The following MDGA2 variants were observed in gnomAD, a reference collection of about 807,000 sequenced individuals.
MDGA2 encodes MAM domain containing glycosylphosphatidylinositol anchor 2, also known as MAM domain-containing glycosylphosphatidylinositol anchor protein 2.
MDGA2 carries 40 observed loss-of-function variants against 117.8 expected under a neutral mutation model. The ratio of observed to expected loss-of-function variants is 0.34; its 90% CI spans 0.26 to 0.44. MDGA2 has a LOEUF of 0.44. Among genes scored for constraint, MDGA2 ranks in the 20% least tolerant of loss-of-function variants. The pLI is 1.00. For missense variants in MDGA2, 1,123 were observed against 1,250.6 expected (o/e 0.90, Z 1.54); for synonymous variants, 452 against 439.0 (o/e 1.03, Z -0.37).
At chr14:47,400,420 T>TA (rs1228009099) in intron 1 of MDGA2, among the ~76,000 whole-genome samples, 6 of 152,142 alleles carry the variant, frequency 3.9e-5, no homozygotes, top group Admixed American at 6.5e-5. Flanking sequence ...TCTATCCCCT[T>TA]ATACTTAGGC....
At chr14:47,606,279 C>G (rs1896742263) in intron 1 of MDGA2, among the ~76,000 whole-genome samples, 1 of 152,060 alleles carries the variant, frequency 6.6e-6, no homozygotes, top group Admixed American at 6.6e-5. Flanking sequence ...ACCAGCCAGG[C>G]TAAAGTATTT....
chr14:47,262,764 T>G (rs1003227684), intron 2 of MDGA2, among the ~76,000 whole-genome samples: 1 of 152,212 alleles, frequency 6.6e-6, no homozygotes, highest in African/African-American at 2.4e-5. Context: ...TGGACTTCAC[T>G]TTCATGGAGA....
chr14:47,259,777 T>C (rs1012227798), intron 2 of MDGA2, among the ~76,000 whole-genome samples: 1 of 152,006 alleles, frequency 6.6e-6, no homozygotes, highest in African/African-American at 2.4e-5. Flanking sequence ...TTGCTAACTA[T>C]GGAATCTGAG....
intron 9 of MDGA2, among the ~76,000 whole-genome samples, chr14:46,921,544 G>A (rs1884131001): frequency 6.6e-6 from 1 of 151,234 alleles, no homozygotes; most frequent in African/African-American, 2.4e-5. Context: ...CCTGAGTCTA[G>A]GGAGGCAGAG....
intron 1 of MDGA2, among the ~76,000 whole-genome samples, chr14:47,584,298 T>C (rs1896280605): frequency 6.6e-6 from 1 of 151,870 alleles, no homozygotes; most frequent in African/African-American, 2.4e-5. Context: ...TTTAATGTAA[T>C]ATGTTATACA....
chr14:46,916,825 G>A (rs1051616213), intron 10 of MDGA2, among the ~76,000 whole-genome samples: 1 of 151,494 alleles, frequency 6.6e-6, no homozygotes, highest in Non-Finnish European at 1.5e-5. Context: ...ATTAGAATAC[G>A]GCATCATAAA....
At chr14:46,887,509 C>T (rs187130056) in intron 10 of MDGA2, among the ~76,000 whole-genome samples, 22 of 151,972 alleles carry the variant, frequency 1.4e-4, no homozygotes, top group Admixed American at 1.3e-3. Flanking sequence ...TGAAATTAAA[C>T]GCCAGCATAC....
chr14:47,495,456 T>A (rs1206227383), intron 1 of MDGA2, among the ~76,000 whole-genome samples: 1 of 151,994 alleles, frequency 6.6e-6, no homozygotes, highest in African/African-American at 2.4e-5. Context: ...TTATGGAAAA[T>A]TAGAAATCAT....
At chr14:47,206,338 C>T (rs1885681478) in intron 3 of MDGA2, among the ~76,000 whole-genome samples, 2 of 152,056 alleles carry the variant, frequency 1.3e-5, no homozygotes, top group African/African-American at 2.4e-5. Context: ...TGCCTGTGAT[C>T]CCAGCACTTT....
At chr14:46,859,520 C>T (rs919302587) in intron 14 of MDGA2, among the ~76,000 whole-genome samples, 1 of 152,092 alleles carries the variant, frequency 6.6e-6, no homozygotes, top group Non-Finnish European at 1.5e-5. Context: ...CTGGGATCTT[C>T]ACATTCTGCT....
At chr14:47,351,583 A>C (rs17118385) in intron 1 of MDGA2, among the ~76,000 whole-genome samples, 1 of 152,126 alleles carries the variant, frequency 6.6e-6, no homozygotes, top group Non-Finnish European at 1.5e-5. Context: ...AAAATCGTCT[A>C]TCTGGACTCT....
At chr14:47,574,846 C>T (rs1432738888) in intron 1 of MDGA2, among the ~76,000 whole-genome samples, 1 of 152,164 alleles carries the variant, frequency 6.6e-6, no homozygotes, top group Non-Finnish European at 1.5e-5. Context: ...GTCACTAGAG[C>T]TGGAATTTGA....
At chr14:46,915,497 TC>T (rs769709296) in intron 10 of MDGA2, among the ~76,000 whole-genome samples, 4 of 152,136 alleles carry the variant, frequency 2.6e-5, no homozygotes, top group Non-Finnish European at 5.9e-5. Context: ...AAAGATAAAA[TC>T]CTATCACTCA....
intron 4 of MDGA2, among the ~76,000 whole-genome samples, chr14:47,136,571 T>C (rs1173330145): frequency 6.6e-6 from 1 of 152,208 alleles, no homozygotes; most frequent in African/African-American, 2.4e-5. Context: ...CCTATACGTA[T>C]TCTCCTTTAC....
chr14:47,539,266 C>T (rs563610647), intron 1 of MDGA2, among the ~76,000 whole-genome samples: 5 of 152,148 alleles, frequency 3.3e-5, no homozygotes, highest in African/African-American at 4.8e-5. Flanking sequence ...AGAGTGCCAC[C>T]GGATGTTCCC....
chr14:47,469,499 C>G (rs1403526054), intron 1 of MDGA2, among the ~76,000 whole-genome samples: 1 of 152,138 alleles, frequency 6.6e-6, no homozygotes, highest in Non-Finnish European at 1.5e-5. Flanking sequence ...ATTTTTATGG[C>G]TGCATAGTAT....
At chr14:47,295,967 T>TAGAA (rs923339783) in intron 2 of MDGA2, among the ~76,000 whole-genome samples, 3 of 151,480 alleles carry the variant, frequency 2.0e-5, no homozygotes, top group Non-Finnish European at 4.4e-5. Flanking sequence ...GATAGATAGA[T>TAGAA]AGATAGATAG....
At chr14:47,208,783 C>A (rs1416071001) in intron 3 of MDGA2, among the ~76,000 whole-genome samples, 2 of 151,726 alleles carry the variant, frequency 1.3e-5, no homozygotes, top group East Asian at 1.9e-4. Context: ...AGATTTACTT[C>A]TTTTAAATGA....
intron 5 of MDGA2, among the ~76,000 whole-genome samples, chr14:47,108,514 T>A (rs61992548): frequency 1.3e-5 from 2 of 148,998 alleles, no homozygotes; most frequent in Non-Finnish European, 3.0e-5. Flanking sequence ...TGAAAGTCCT[T>A]TTCCTGGCTC....
Sources: gnomAD v4.1 joint callset for allele counts (sites outside exome capture counted in the v4.1 genomes callset) on GRCh38, gnomAD v4.1.1 for gene constraint, MANE v1.5 for transcripts, NCBI Gene and HGNC (gene_info 2026-07-23, HGNC 2026-07-21) for gene names.